The following VSTM2L variants were observed in gnomAD, a reference collection of about 807,000 sequenced individuals.
VSTM2L encodes the protein V-set and transmembrane domain-containing protein 2-like protein.
Under a neutral mutation model 19.9 loss-of-function variants are expected in VSTM2L, and 9 were observed. That is an observed-to-expected ratio of 0.45 (90% CI 0.27 to 0.79). The LOEUF (loss-of-function observed/expected upper bound fraction) is 0.79. Among genes scored for constraint, VSTM2L ranks in the 30% least tolerant of loss-of-function variants. The pLI is 0.15. For missense variants in VSTM2L, 286 were observed against 295.5 expected, an observed-to-expected ratio of 0.97 and a Z score of 0.24; for synonymous variants, 127 against 133.8, an observed-to-expected ratio of 0.95 and a Z score of 0.35.
chr20:37,941,592 C>A (rs901521106), intron 3 of VSTM2L, among the ~76,000 whole-genome samples: 4 of 152,160 alleles, frequency 2.6e-5, no homozygotes, highest in Non-Finnish European at 5.9e-5. Context: ...GCAGGGGCAT[C>A]CCACCTGGAG....
chr20:37,910,918 T>TAA (rs527960204), intron 1 of VSTM2L, among the ~76,000 whole-genome samples: 86 of 135,236 alleles, frequency 6.4e-4, no homozygotes, highest in African/African-American at 2.1e-3. Flanking sequence ...CCCTGTCTCT[T>TAA]AAAAAAAAAA....
At chr20:37,911,257 A>AAAAAG (rs1555839035) in intron 1 of VSTM2L, among the ~76,000 whole-genome samples, 9 of 131,616 alleles carry the variant, frequency 6.8e-5, no homozygotes, top group African/African-American at 2.4e-4. Context: ...AAAAAAAAAA[A>AAAAAG]AAGCTGGGAT....
chr20:37,907,787 C>T (rs143984384), intron 1 of VSTM2L, among the ~76,000 whole-genome samples: 27 of 152,264 alleles, frequency 1.8e-4, no homozygotes, highest in African/African-American at 6.0e-4. Context: ...GATTCACTGT[C>T]CTGAGATTCT....
intron 3 of VSTM2L, among the ~76,000 whole-genome samples, chr20:37,941,500 C>T (rs2072971845): frequency 6.6e-6 from 1 of 152,216 alleles, no homozygotes; most frequent in East Asian, 1.9e-4. Flanking sequence ...TGTGAGTGCC[C>T]AGCACAGGCT....
At chr20:37,928,074 G>A (rs1344443617) in intron 1 of VSTM2L, among the ~76,000 whole-genome samples, 1 of 152,192 alleles carries the variant, frequency 6.6e-6, no homozygotes, top group Non-Finnish European at 1.5e-5. Flanking sequence ...GGCACCTGGA[G>A]AGGCCACAGC....
chr20:37,936,724 G>C (rs956180128), intron 3 of VSTM2L, among the ~76,000 whole-genome samples: 6 of 152,176 alleles, frequency 3.9e-5, no homozygotes, highest in African/African-American at 1.4e-4. Flanking sequence ...CCTGGTTCCA[G>C]CTCTGCCACC....
In VSTM2L at chr20:37,931,695, C is replaced by T. The variant is rs749769419; in HGVS notation, c.182C>T (p.Ala61Val). 1 of 1,613,654 alleles carries T rather than the reference C, an allele frequency of 6.2e-7. No homozygotes were observed. Among genetic ancestry groups the T allele is most frequent in the Non-Finnish European group, 8.5e-7 (1 of 1,180,032 alleles). ...CGGACGGGCGAGGACGTGGAGATGGCCTGCTCCTTCCGCGGCAGCGGCTCC... is the reference window on the plus strand; with the variant it reads ...CGGACGGGCGAGGACGTGGAGATGGTCTGCTCCTTCCGCGGCAGCGGCTCC... ...TARTGEDVEM[A>V]CSFRGSGSPS... is the part of the protein sequence containing the mutation. The change falls in exon 2 of 4, where the codon GCC (alanine) becomes GTC (valine). Residue 61 changes from alanine (A) to valine (V), a missense_variant. Physicochemically the swap from Ala to Val is moderately conservative, Grantham distance 64. Transcript: ENST00000373461.
At chr20:37,918,437 G>A (rs933370145) in intron 1 of VSTM2L, among the ~76,000 whole-genome samples, 1 of 152,210 alleles carries the variant, frequency 6.6e-6, no homozygotes, top group Non-Finnish European at 1.5e-5. Context: ...AGAAAAAAAC[G>A]GAGATTGAGG....
chr20:37,931,833 G>C (rs755728831), intron 2 of VSTM2L, 29 bp downstream of exon 2: 3 of 1,604,558 alleles, frequency 1.9e-6, no homozygotes, highest in South Asian at 2.2e-5. Flanking sequence ...TGCCCAAGCT[G>C]GGCTGGGGAA....
At chr20:37,915,234 A>G (rs977233490) in intron 1 of VSTM2L, among the ~76,000 whole-genome samples, 1 of 152,142 alleles carries the variant, frequency 6.6e-6, no homozygotes, top group South Asian at 2.1e-4. Flanking sequence ...TCCTCTCTCC[A>G]TGGCCCTCAG....
intron 1 of VSTM2L, among the ~76,000 whole-genome samples, chr20:37,916,921 G>A (rs2072821840): frequency 6.6e-6 from 1 of 152,180 alleles, no homozygotes; most frequent in Admixed American, 6.5e-5. Context: ...AGGGGAGAGT[G>A]GGGAGTGAGG....
intron 3 of VSTM2L, among the ~76,000 whole-genome samples, chr20:37,935,843 G>C (rs2072936484): frequency 6.6e-6 from 1 of 151,484 alleles, no homozygotes; most frequent in Admixed American, 6.6e-5. Flanking sequence ...CACACACACA[G>C]ACATACGCCC....
intron 1 of VSTM2L, among the ~76,000 whole-genome samples, chr20:37,927,819 C>T (rs965466682): frequency 2.6e-5 from 4 of 152,170 alleles, no homozygotes; most frequent in Non-Finnish European, 4.4e-5. Flanking sequence ...TGTTCTCCTC[C>T]CACTCATGAG....
At chr20:37,919,279 C>T (rs1490245457) in intron 1 of VSTM2L, among the ~76,000 whole-genome samples, 2 of 152,218 alleles carry the variant, frequency 1.3e-5, no homozygotes, top group East Asian at 3.8e-4. Context: ...AGCCCATCTG[C>T]GTTTGTTTGC....
At chr20:37,931,272 G>T (rs1172898914) in intron 1 of VSTM2L, among the ~76,000 whole-genome samples, 5 of 152,170 alleles carry the variant, frequency 3.3e-5, no homozygotes, top group African/African-American at 1.2e-4. Context: ...GAACCTGGAA[G>T]AGCTGATGGA....
chr20:37,915,486 C>T (rs976865332), intron 1 of VSTM2L, among the ~76,000 whole-genome samples: 6 of 151,986 alleles, frequency 3.9e-5, no homozygotes, highest in South Asian at 2.1e-4. Context: ...AGCCAGGCTA[C>T]GTGAGGAGGT....
intron 1 of VSTM2L, among the ~76,000 whole-genome samples, chr20:37,930,697 G>A (rs557376242): frequency 6.6e-6 from 1 of 152,276 alleles, no homozygotes; most frequent in Non-Finnish European, 1.5e-5. Flanking sequence ...GGCTCCTGCT[G>A]GGCCAGGGGA....
intron 3 of VSTM2L, among the ~76,000 whole-genome samples, chr20:37,937,084 G>A (rs529607184): frequency 1.4e-4 from 21 of 152,070 alleles, no homozygotes; most frequent in Non-Finnish European, 5.9e-5. Context: ...AGCCAGGTGT[G>A]GTGGTGCACG....
chr20:37,912,890 T>C (rs970162874), intron 1 of VSTM2L, among the ~76,000 whole-genome samples: 1 of 152,178 alleles, frequency 6.6e-6, no homozygotes, highest in Non-Finnish European at 1.5e-5. Flanking sequence ...CTCTGATCTT[T>C]ATCTCTTTTC....
Sources: gnomAD v4.1 joint callset for allele counts (sites outside exome capture counted in the v4.1 genomes callset) on GRCh38, gnomAD v4.1.1 for gene constraint, MANE v1.5 for transcripts, NCBI Gene and HGNC (gene_info 2026-07-23, HGNC 2026-07-21) for gene names.